HDAC9: variants seen among roughly 807,000 people sequenced by gnomAD.
HDAC9 encodes histone deacetylase 9.
HDAC9 carries 41 observed loss-of-function variants against 139.4 expected under a neutral mutation model. That is an observed-to-expected ratio of 0.29 (90% CI 0.23 to 0.38). The LOEUF is 0.38. Among genes scored for constraint, HDAC9 ranks in the 10% least tolerant of loss-of-function variants. The probability of loss-of-function intolerance (pLI) is 1.00; values close to 1 mark genes in which losing one functional copy is unlikely to be tolerated. For synonymous variants in HDAC9, 517 were observed against 476.2 expected (o/e 1.09, Z -1.12); for missense variants, 1,147 against 1,297.0 (o/e 0.88, Z 1.78).
At chr7:18,442,764 T>G (rs1345118634) in intron 1 of HDAC9, among the ~76,000 whole-genome samples, 1 of 152,178 alleles carries the variant, frequency 6.6e-6, no homozygotes, top group Non-Finnish European at 1.5e-5. Flanking sequence ...CTCTCTGAGG[T>G]TTTCAGTGGT....
intron 2 of HDAC9, among the ~76,000 whole-genome samples, chr7:18,172,897 C>A (rs150456442): frequency 6.0e-4 from 92 of 152,150 alleles, no homozygotes; most frequent in Middle Eastern, 3.4e-3. Context: ...GGAGTAAGTG[C>A]GATGTGGTGT....
intron 1 of HDAC9, among the ~76,000 whole-genome samples, chr7:18,429,751 A>G (rs1790464677): frequency 6.6e-6 from 1 of 152,242 alleles, no homozygotes; most frequent in South Asian, 2.1e-4. Context: ...TTTCTTTGAA[A>G]CGAATCATCG....
At chr7:18,223,181 G>A (rs1444497935) in intron 2 of HDAC9, among the ~76,000 whole-genome samples, 2 of 152,008 alleles carry the variant, frequency 1.3e-5, no homozygotes, top group East Asian at 1.9e-4. Flanking sequence ...TTTCTTAAGG[G>A]TGTTTGTTTT....
At chr7:18,658,612 A>G (rs370917049) in intron 11 of HDAC9, among the ~76,000 whole-genome samples, 55 of 152,110 alleles carry the variant, frequency 3.6e-4, no homozygotes, top group African/African-American at 1.3e-3. Flanking sequence ...TTCTCTTGTT[A>G]TTTAATTTTG....
chr7:18,872,289 G>T (rs1254137554), intron 21 of HDAC9, among the ~76,000 whole-genome samples: 1 of 152,076 alleles, frequency 6.6e-6, no homozygotes, highest in East Asian at 1.9e-4. Flanking sequence ...AAACCCACAG[G>T]AAATTAGAAA....
intron 2 of HDAC9, among the ~76,000 whole-genome samples, chr7:18,265,017 A>C (rs1393846571): frequency 6.6e-6 from 1 of 152,162 alleles, no homozygotes; most frequent in Non-Finnish European, 1.5e-5. Flanking sequence ...TGTTCCCAGA[A>C]ATGCTTGTGT....
chr7:18,186,322 G>T (rs973170751), intron 2 of HDAC9, among the ~76,000 whole-genome samples: 1 of 152,238 alleles, frequency 6.6e-6, no homozygotes, highest in Non-Finnish European at 1.5e-5. Flanking sequence ...CAAAAAGACA[G>T]TCTTGATATT....
chr7:18,672,716 A>G (rs1795738788), intron 12 of HDAC9, among the ~76,000 whole-genome samples: 1 of 152,048 alleles, frequency 6.6e-6, no homozygotes. Flanking sequence ...TCTTTGATCC[A>G]TTTTGTGTCA....
rs185695051 is a variant in HDAC9, at chr7:18,311,484, C to A, written c.-42+20969C>A. On this transcript the variant is annotated intron_variant, in intron 1 of 3. Coordinates refer to the HDAC9 transcript ENST00000413509. ...TCATTACTCACATTAATAGTCACAG[C>A]CTGCAGAATAAAAAATTGTGCTATC... Among the ~76,000 whole-genome samples, 893 of 152,016 alleles carry A rather than the reference C, an allele frequency of 5.9e-3. 7 individuals are homozygous for A. The highest frequency in any genetic ancestry group is 9.5e-3 in the Non-Finnish European group (643 of 67,988).
intron 16 of HDAC9, among the ~76,000 whole-genome samples, chr7:18,775,001 G>A (rs772649301): frequency 6.6e-6 from 1 of 151,936 alleles, no homozygotes; most frequent in African/African-American, 2.4e-5. Context: ...CTATCGTAGG[G>A]TTATTAACTT....
At chr7:18,862,645 A>G (rs1798198100) in intron 21 of HDAC9, among the ~76,000 whole-genome samples, 1 of 152,188 alleles carries the variant, frequency 6.6e-6, no homozygotes, top group Admixed American at 6.5e-5. Flanking sequence ...TCCAATGCTC[A>G]TCAGAGGAAG....
At chr7:18,687,819 G>T (rs1782383812) in intron 12 of HDAC9, among the ~76,000 whole-genome samples, 1 of 151,648 alleles carries the variant, frequency 6.6e-6, no homozygotes, top group African/African-American at 2.4e-5. Flanking sequence ...TTTTCACAAG[G>T]GAAACATTTT....
intron 2 of HDAC9, among the ~76,000 whole-genome samples, chr7:18,503,147 G>C (rs958164300): frequency 6.6e-6 from 1 of 152,166 alleles, no homozygotes; most frequent in Non-Finnish European, 1.5e-5. Context: ...AAGCTTTCAA[G>C]AAGAAATTCA....
intron 1 of HDAC9, among the ~76,000 whole-genome samples, chr7:18,293,327 CTTTAAG>C (rs1185772961): frequency 1.7e-4 from 26 of 150,490 alleles, no homozygotes; most frequent in African/African-American, 2.4e-4. Context: ...TTTTATTATA[CTTTAAG>C]TTTAAGGGTA....
intron 13 of HDAC9, among the ~76,000 whole-genome samples, chr7:18,737,936 G>C (rs563133734): frequency 7.2e-5 from 11 of 152,240 alleles, no homozygotes; most frequent in Admixed American, 1.3e-4. Flanking sequence ...TATGAATCTG[G>C]GTGCTCCTGC....
intron 1 of HDAC9, among the ~76,000 whole-genome samples, chr7:18,155,950 G>T (rs1478171715): frequency 6.6e-6 from 1 of 152,180 alleles, no homozygotes; most frequent in Non-Finnish European, 1.5e-5. Flanking sequence ...GCTCTTGCTT[G>T]TGCCCATCAG....
intron 8 of HDAC9, among the ~76,000 whole-genome samples, chr7:18,637,624 G>A (rs1267867974): frequency 6.6e-6 from 1 of 152,070 alleles, no homozygotes; most frequent in Non-Finnish European, 1.5e-5. Flanking sequence ...CTGGAAAGAC[G>A]AGTTCAAAAG....
chr7:18,471,589 G>T (rs532047798), intron 1 of HDAC9, among the ~76,000 whole-genome samples: 3 of 152,174 alleles, frequency 2.0e-5, no homozygotes, highest in African/African-American at 7.2e-5. Context: ...TTAGGTGAAA[G>T]CTCAGTATCA....
chr7:18,928,288 C>T (rs1332129339), intron 22 of HDAC9, among the ~76,000 whole-genome samples: 1 of 152,124 alleles, frequency 6.6e-6, no homozygotes, highest in Non-Finnish European at 1.5e-5. Flanking sequence ...GAGCTTCTAT[C>T]AAAACATTAG....
Sources: allele counts gnomAD v4.1 joint callset (sites outside exome capture counted in the v4.1 genomes callset), GRCh38; gene constraint gnomAD v4.1.1; transcripts MANE v1.5; gene names NCBI Gene and HGNC (gene_info 2026-07-23, HGNC 2026-07-21).